The following PREX2 variants were observed in gnomAD, a reference collection of about 807,000 sequenced individuals.
PREX2 encodes phosphatidylinositol-3,4,5-trisphosphate dependent Rac exchange factor 2, also known as phosphatidylinositol 3,4,5-trisphosphate-dependent Rac exchanger 2 protein.
PREX2 carries 107 observed loss-of-function variants against 203.2 expected under a neutral mutation model. The observed-to-expected ratio is 0.53, with a 90% CI of 0.45 to 0.62. The LOEUF (loss-of-function observed/expected upper bound fraction) is 0.62. Ranked by LOEUF, PREX2 falls within the 20% of genes least tolerant of loss-of-function variation. The pLI is 0.00. For synonymous variants in PREX2, 672 were observed against 663.6 expected (o/e 1.01, Z -0.19); for missense variants, 1,777 against 1,955.9 (o/e 0.91, Z 1.72).
intron 20 of PREX2, 94 bp from the exon 21 acceptor site, chr8:68,093,511 A>C (rs1417778292): frequency 5.7e-6 from 3 of 530,290 alleles, no homozygotes; most frequent in Non-Finnish European, 1.0e-5. Flanking sequence ...AATTTTAAAG[A>C]ATCTAGAGGA....
At chr8:67,980,525 G>T (rs1806237169) in intron 1 of PREX2, among the ~76,000 whole-genome samples, 1 of 152,260 alleles carries the variant, frequency 6.6e-6, no homozygotes, top group South Asian at 2.1e-4. Flanking sequence ...AGAAGCTACA[G>T]TTTAAGTGGG....
At chr8:67,965,043 G>A (rs1304548857) in intron 1 of PREX2, among the ~76,000 whole-genome samples, 6 of 152,124 alleles carry the variant, frequency 3.9e-5, no homozygotes, top group Non-Finnish European at 5.9e-5. Flanking sequence ...TGTTGACTCC[G>A]GAAGTACACA....
intron 35 of PREX2, among the ~76,000 whole-genome samples, chr8:68,170,754 T>G (rs1811860656): frequency 6.6e-6 from 1 of 152,214 alleles, no homozygotes; most frequent in South Asian, 2.1e-4. Context: ...GTTTTCTCTT[T>G]TCTCTCTTAC....
At chr8:68,021,355 G>C (rs1704180018) in intron 3 of PREX2, among the ~76,000 whole-genome samples, 1 of 152,166 alleles carries the variant, frequency 6.6e-6, no homozygotes, top group South Asian at 2.1e-4. Flanking sequence ...CTGTTTGAAA[G>C]TATTCATGAT....
chr8:68,164,781 C>CA (rs2082721810), intron 35 of PREX2, among the ~76,000 whole-genome samples: 1 of 151,694 alleles, frequency 6.6e-6, no homozygotes, highest in African/African-American at 2.4e-5. Context: ...AGGGTTTCTC[C>CA]ATGTTGGTCA....
chr8:68,174,138 T>G (rs912631695), intron 35 of PREX2, among the ~76,000 whole-genome samples: 22 of 152,170 alleles, frequency 1.4e-4, no homozygotes, highest in Admixed American at 1.4e-3. Context: ...ATTTCAGACT[T>G]CTTTTGTTTT....
intron 23 of PREX2, chr8:68,103,480 C>A: frequency 2.0e-6 from 1 of 503,768 alleles, no homozygotes; most frequent in Non-Finnish European, 3.9e-6. Flanking sequence ...TTATTCGTGT[C>A]AGCGTACAAA....
chr8:67,991,970 C>T (rs564449512), intron 1 of PREX2, among the ~76,000 whole-genome samples: 1 of 152,322 alleles, frequency 6.6e-6, no homozygotes, highest in South Asian at 2.1e-4. Context: ...ATTATACTAT[C>T]TTCACTGTTT....
In PREX2 at chr8:68,108,462, C is replaced by G. The variant is rs1187544191; in HGVS notation, c.2938+131C>G. 5 of 648,404 alleles carry G rather than the reference C, an allele frequency of 7.7e-6. No individual in the cohort carries two copies. The Admixed American group carries it at 8.5e-5, about 11-fold the overall frequency. 40.2% of individuals were successfully genotyped at this position (648,404 alleles called of 1,614,324 possible). ...ATGAACTTTTATAAAGGAAGGATTT[C>G]TTGCTGTAATCATTTGGATAATTAT... is the stretch of plus-strand genomic sequence containing the variant. On this transcript the variant is annotated intron_variant, in intron 24 of 39. Transcript: ENST00000288368.
intron 37 of PREX2, among the ~76,000 whole-genome samples, chr8:68,212,088 G>C (rs1023552283): frequency 6.6e-6 from 1 of 152,106 alleles, no homozygotes; most frequent in African/African-American, 2.4e-5. Context: ...GCATGTTTGA[G>C]CCCAGGCTGT....
At chr8:67,980,727 A>G (rs1361484758) in intron 1 of PREX2, among the ~76,000 whole-genome samples, 1 of 152,194 alleles carries the variant, frequency 6.6e-6, no homozygotes, top group Non-Finnish European at 1.5e-5. Flanking sequence ...AGCTCTCACT[A>G]GATCTGATGG....
At chr8:68,060,531 T>A in intron 10 of PREX2, 148 bp from the exon 11 acceptor site, 1 of 599,288 alleles carries the variant, frequency 1.7e-6, no homozygotes, top group Middle Eastern at 2.6e-4. Flanking sequence ...GCCTTACATA[T>A]GTGAAAAAAT....
At chr8:68,017,580 C>T (rs1049894206) in intron 1 of PREX2, among the ~76,000 whole-genome samples, 2 of 152,176 alleles carry the variant, frequency 1.3e-5, no homozygotes, top group Non-Finnish European at 2.9e-5. Context: ...TAAATGCTTA[C>T]TTCACAACTT....
At position 68,019,580 on chromosome 8, in the gene PREX2, C is replaced by T. The variant is rs770397177; in HGVS notation, c.245C>T (p.Ala82Val). Residue 82 changes from alanine (A) to valine (V), a missense_variant, in exon 3 of 40, where the codon GCA (alanine) becomes GTA (valine). By Grantham distance (64) the Ala-to-Val change is moderately conservative. Coordinates refer to ENST00000288368, the MANE Select transcript of PREX2 (RefSeq NM_024870.4). ...MLFSNIEDIL[A>V]VHKEFLKVVE... ...TTCTCAAACATTGAAGACATCCTTG[C>T]AGTACATAAAGAATTCTTAAAAGTC... 2.5e-6 allele frequency: 4 copies of T among 1,612,270 alleles called. No individual in the cohort carries two copies. The highest frequency in any genetic ancestry group is 3.4e-6 in the Non-Finnish European group (4 of 1,178,790).
chr8:68,105,231 G>A (rs759974495), intron 23 of PREX2: 12 of 1,367,776 alleles, frequency 8.8e-6, no homozygotes, highest in Middle Eastern at 2.1e-4. Flanking sequence ...CACATTTCCA[G>A]TACCTGTGAC....
chr8:68,200,051 T>C (rs932256156), intron 37 of PREX2, among the ~76,000 whole-genome samples: 1 of 152,196 alleles, frequency 6.6e-6, no homozygotes, highest in South Asian at 2.1e-4. Context: ...CTTTCAAATG[T>C]ATTTATTTAC....
At chr8:68,206,642 C>T (rs968532948) in intron 37 of PREX2, among the ~76,000 whole-genome samples, 2 of 152,150 alleles carry the variant, frequency 1.3e-5, no homozygotes, top group African/African-American at 2.4e-5. Flanking sequence ...TTCCTAGTAT[C>T]AAAACCCAAG....
intron 37 of PREX2, among the ~76,000 whole-genome samples, chr8:68,209,387 A>G (rs1812703456): frequency 6.6e-6 from 1 of 152,198 alleles, no homozygotes; most frequent in Admixed American, 6.5e-5. Context: ...GAACCCTCAT[A>G]AAGTAGGGGA....
intron 35 of PREX2, among the ~76,000 whole-genome samples, chr8:68,163,110 T>C (rs539291751): frequency 6.6e-6 from 1 of 152,310 alleles, no homozygotes; most frequent in Admixed American, 6.5e-5. Context: ...GGTACACTTA[T>C]GTACAAGCCA....
Sources: allele counts gnomAD v4.1 joint callset (sites outside exome capture counted in the v4.1 genomes callset), GRCh38; gene constraint gnomAD v4.1.1; transcripts MANE v1.5; gene names NCBI Gene and HGNC (gene_info 2026-07-23, HGNC 2026-07-21).